CNTNAP4: variants seen among roughly 807,000 people sequenced by gnomAD.
The protein encoded by CNTNAP4 is contactin-associated protein-like 4.
Under a neutral mutation model 148.4 loss-of-function variants are expected in CNTNAP4, and 98 were observed. The observed-to-expected ratio is 0.66, with a 90% CI of 0.56 to 0.78. CNTNAP4 has a LOEUF of 0.78. Among genes scored for constraint, CNTNAP4 ranks in the 30% least tolerant of loss-of-function variants. The pLI is 0.00. For missense variants in CNTNAP4, 1,935 were observed against 1,565.6 expected, an observed-to-expected ratio of 1.24 and a Z score of -3.98; for synonymous variants, 730 against 565.1, an observed-to-expected ratio of 1.29 and a Z score of -4.14.
At position 76,466,464 on chromosome 16, in the gene CNTNAP4, T is replaced by C. The variant is rs551078915; in HGVS notation, c.1484-888T>C. 5.3e-4 allele frequency among the ~76,000 whole-genome samples: 80 copies of C among 152,298 alleles called. 1 individual carries two copies. The South Asian group carries it at 0.016, about 30-fold the overall frequency. ...TAGAAGATGAATACCCCATTCTTCA[T>C]GGTGTGATTATTTCACTTTGCATGC... On this transcript the variant is annotated intron_variant, in intron 9 of 23. Transcript: ENST00000611870.
At chr16:76,386,708 A>G (rs796274205) in intron 3 of CNTNAP4, among the ~76,000 whole-genome samples, 9 of 152,260 alleles carry the variant, frequency 5.9e-5, no homozygotes, top group African/African-American at 1.9e-4. Flanking sequence ...GATGTTCACT[A>G]CCTTAACGTT....
chr16:76,368,895 A>G (rs1418132014), intron 3 of CNTNAP4, among the ~76,000 whole-genome samples: 4 of 152,180 alleles, frequency 2.6e-5, no homozygotes, highest in African/African-American at 7.2e-5. Context: ...GAAGAGCTCA[A>G]TGGCTGCGTT....
chr16:76,327,378 TG>T (rs1597206783), intron 2 of CNTNAP4, among the ~76,000 whole-genome samples: 2 of 152,028 alleles, frequency 1.3e-5, no homozygotes, highest in African/African-American at 4.8e-5. Flanking sequence ...GCAAAGGAAA[TG>T]GTTTTGTTGT....
chr16:76,311,681 C>G (rs1315126142), intron 1 of CNTNAP4, among the ~76,000 whole-genome samples: 3 of 152,202 alleles, frequency 2.0e-5, no homozygotes, highest in African/African-American at 4.8e-5. Context: ...GAGTGATGTT[C>G]ATTTCTTCTC....
At chr16:76,422,858 A>G (rs2079239427) in intron 3 of CNTNAP4, among the ~76,000 whole-genome samples, 1 of 152,174 alleles carries the variant, frequency 6.6e-6, no homozygotes, top group South Asian at 2.1e-4. Flanking sequence ...GTAACATAGA[A>G]CGCAATCACT....
intron 2 of CNTNAP4, among the ~76,000 whole-genome samples, chr16:76,328,732 G>A (rs947148484): frequency 4.6e-5 from 7 of 151,802 alleles, no homozygotes; most frequent in Admixed American, 3.3e-4. Flanking sequence ...TGCAACCTCC[G>A]CCTCCCAGGT....
chr16:76,302,811 T>C (rs1278677330), intron 1 of CNTNAP4, among the ~76,000 whole-genome samples: 1 of 140,516 alleles, frequency 7.1e-6, no homozygotes, highest in Non-Finnish European at 1.6e-5. Flanking sequence ...TTCTGTCCAC[T>C]GAGGGGCTCA....
chr16:76,421,830 T>A (rs1406310776), intron 3 of CNTNAP4, among the ~76,000 whole-genome samples: 1 of 152,184 alleles, frequency 6.6e-6, no homozygotes, highest in African/African-American at 2.4e-5. Flanking sequence ...GAACTTCTAC[T>A]GGTGCTGCTC....
intron 1 of CNTNAP4, among the ~76,000 whole-genome samples, chr16:76,302,134 T>G (rs1960033817): frequency 6.6e-6 from 1 of 152,016 alleles, no homozygotes; most frequent in Non-Finnish European, 1.5e-5. Context: ...GAAGGTACAA[T>G]TTCAGCTTCA....
At chr16:76,363,652 A>C (rs998664191) in intron 3 of CNTNAP4, among the ~76,000 whole-genome samples, 2 of 152,244 alleles carry the variant, frequency 1.3e-5, no homozygotes, top group African/African-American at 4.8e-5. Flanking sequence ...AAGTGGAACT[A>C]CGTCAACAAA....
intron 3 of CNTNAP4, among the ~76,000 whole-genome samples, chr16:76,368,785 A>C (rs1179919531): frequency 6.6e-6 from 1 of 152,194 alleles, no homozygotes; most frequent in African/African-American, 2.4e-5. Flanking sequence ...ACAAACCTGC[A>C]CATCCTGCAC....
chr16:76,548,278 C>G (rs1224114034), intron 21 of CNTNAP4, among the ~76,000 whole-genome samples: 1 of 143,844 alleles, frequency 7.0e-6, no homozygotes, highest in East Asian at 2.1e-4. Context: ...AACCCTGGCT[C>G]TCTTGATTCA....
At chr16:76,291,805 A>G (rs1177853836) in intron 1 of CNTNAP4, among the ~76,000 whole-genome samples, 1 of 152,232 alleles carries the variant, frequency 6.6e-6, no homozygotes, top group African/African-American at 2.4e-5. Flanking sequence ...TTAAATTTGT[A>G]GGATGCCCTC....
intron 2 of CNTNAP4, among the ~76,000 whole-genome samples, chr16:76,352,885 C>T (rs1045192852): frequency 6.6e-6 from 1 of 152,112 alleles, no homozygotes; most frequent in African/African-American, 2.4e-5. Context: ...GTATAAATAA[C>T]AGTCTGCAAG....
chr16:76,340,266 T>C (rs1440582590), intron 2 of CNTNAP4, among the ~76,000 whole-genome samples: 3 of 151,798 alleles, frequency 2.0e-5, no homozygotes, highest in African/African-American at 7.3e-5. Flanking sequence ...CTGCCCAAGT[T>C]CCCCCCCAAA....
intron 3 of CNTNAP4, among the ~76,000 whole-genome samples, chr16:76,425,411 T>G (rs1248483195): frequency 6.6e-6 from 1 of 152,168 alleles, no homozygotes; most frequent in African/African-American, 2.4e-5. Context: ...ATATATTTTA[T>G]TGAGAACCAC....
intron 4 of CNTNAP4, among the ~76,000 whole-genome samples, chr16:76,443,582 C>T (rs947662244): frequency 2.6e-5 from 4 of 151,636 alleles, no homozygotes; most frequent in Admixed American, 2.6e-4. Flanking sequence ...CAGAGGGAGA[C>T]CCTGTCCAAA....
At chr16:76,504,059 A>G (rs558884162) in intron 15 of CNTNAP4, among the ~76,000 whole-genome samples, 4 of 152,236 alleles carry the variant, frequency 2.6e-5, no homozygotes, top group East Asian at 3.9e-4. Flanking sequence ...AAAATCCAGC[A>G]ATCTCTTTTT....
rs749446873 is a variant in CNTNAP4 at position 76,277,609 on chromosome 16, G to C, written c.-54G>C. 4.0e-6 allele frequency: 5 copies of C among 1,252,628 alleles called. No individual in the cohort carries two copies. Among genetic ancestry groups the C allele is most frequent in the Non-Finnish European group, 5.7e-6 (5 of 872,030 alleles). 77.6% of individuals were successfully genotyped at this position (1,252,628 alleles called of 1,614,324 possible). On this transcript the variant is annotated 5_prime_UTR_variant, in exon 1 of 24. Coordinates refer to ENST00000611870, the MANE Select transcript of CNTNAP4 (RefSeq NM_033401.5). Reference sequence around the variant, plus strand: ...TGGCAGAGCTACTGAGAAGAGGACTGGAGCGCTCTGAGAGCCTCTCAAGAT... The same window carrying C: ...TGGCAGAGCTACTGAGAAGAGGACTCGAGCGCTCTGAGAGCCTCTCAAGAT...
Sources: allele counts gnomAD v4.1 joint callset (sites outside exome capture counted in the v4.1 genomes callset), GRCh38; gene constraint gnomAD v4.1.1; transcripts MANE v1.5; gene names NCBI Gene and HGNC (gene_info 2026-07-23, HGNC 2026-07-21).